Variants in GSE1 observed in about 807,000 individuals in gnomAD.
GSE1 encodes the protein Gse1 coiled-coil protein, also known as genetic suppressor element 1.
In GSE1, 32 loss-of-function variants were observed where a neutral mutation model predicts 112.6. The ratio of observed to expected loss-of-function variants is 0.28; its 90% CI spans 0.21 to 0.38. The LOEUF (loss-of-function observed/expected upper bound fraction) is 0.38. Among genes scored for constraint, GSE1 ranks in the 10% least tolerant of loss-of-function variants. GSE1 has a pLI of 1.00. For synonymous variants in GSE1, 1,115 were observed against 735.6 expected (o/e 1.52, Z -8.35); for missense variants, 2,348 against 1,699.2 (o/e 1.38, Z -6.71).
At position 85,173,263 on chromosome 16, in the gene GSE1, G is replaced by C. The variant is rs368176193; in HGVS notation, c.2283+1456G>C. ...AGTCAACCAAGACTCAGATAAGTCA[G>C]ACAACACTCAGTCAGTAGGTATCTG... is the stretch of plus-strand genomic sequence containing the variant. On this transcript the variant is annotated intron_variant, in intron 1 of 2. Coordinates refer to the GSE1 transcript ENST00000637419. Among the ~76,000 whole-genome samples the C allele has an allele frequency of 2.1e-3, 321 of 152,346 alleles. 1 individual carries two copies. The highest frequency in any genetic ancestry group is 7.3e-3 in the African/African-American group (304 of 41,570).
intron 2 of GSE1, among the ~76,000 whole-genome samples, chr16:85,465,939 G>A (rs1428108668): frequency 6.6e-6 from 1 of 152,232 alleles, no homozygotes; most frequent in Admixed American, 6.5e-5. Context: ...CTAATGATTA[G>A]TGGAGTCACA....
At chr16:85,448,033 C>T (rs1030185570) in intron 2 of GSE1, among the ~76,000 whole-genome samples, 2 of 152,188 alleles carry the variant, frequency 1.3e-5, no homozygotes, top group African/African-American at 4.8e-5. Flanking sequence ...GGGAAGGAAG[C>T]GTAGGGCACC....
intron 2 of GSE1, among the ~76,000 whole-genome samples, chr16:85,535,452 A>C (rs1336693601): frequency 1.3e-5 from 2 of 152,166 alleles, no homozygotes; most frequent in East Asian, 3.9e-4. Flanking sequence ...GATTTTACAG[A>C]CACCCTCAGC....
chr16:85,209,363 C>T (rs910405167), intron 1 of GSE1, among the ~76,000 whole-genome samples: 2 of 152,166 alleles, frequency 1.3e-5, no homozygotes, highest in Admixed American at 1.3e-4. Context: ...ATGTGCACCT[C>T]CTGGCTGTCA....
chr16:85,539,562 G>T (rs560213718), intron 2 of GSE1, among the ~76,000 whole-genome samples: 1 of 152,256 alleles, frequency 6.6e-6, no homozygotes, highest in African/African-American at 2.4e-5. Context: ...TGCTTGTTTT[G>T]GCCTAAAGGA....
intron 2 of GSE1, among the ~76,000 whole-genome samples, chr16:85,477,383 C>G (rs1232749050): frequency 2.6e-5 from 4 of 152,074 alleles, no homozygotes; most frequent in Non-Finnish European, 5.9e-5. Flanking sequence ...CCCTAGGAAC[C>G]CTTCCTGTGT....
chr16:85,403,386 G>C (rs549733508), intron 2 of GSE1, among the ~76,000 whole-genome samples: 1 of 152,300 alleles, frequency 6.6e-6, no homozygotes, highest in South Asian at 2.1e-4. Context: ...CGTGGTCATT[G>C]GGGGCTCGTC....
At chr16:85,512,254 A>G (rs1362976011) in intron 2 of GSE1, among the ~76,000 whole-genome samples, 2 of 152,116 alleles carry the variant, frequency 1.3e-5, no homozygotes, top group African/African-American at 4.8e-5. Flanking sequence ...GGCAGTATTC[A>G]CCGCAGCTGT....
In GSE1 at chr16:85,502,951, C is replaced by T. The variant is rs909281227; in HGVS notation, c.2465-130963C>T. On this transcript the variant is annotated intron_variant, in intron 2 of 2. Transcript: ENST00000637419. Reference sequence around the variant, plus strand: ...GAATGCGTGGCGGGAGGAGGATTATCGGAGGAGACAGACAAGGTCCAGGGC... The same window carrying T: ...GAATGCGTGGCGGGAGGAGGATTATTGGAGGAGACAGACAAGGTCCAGGGC... 4.6e-5 allele frequency among the ~76,000 whole-genome samples: 7 copies of T among 152,024 alleles called. No homozygotes were observed. The East Asian group carries it at 7.7e-4, about 17-fold the overall frequency.
intron 2 of GSE1, among the ~76,000 whole-genome samples, chr16:85,404,122 A>T (rs1201991273): frequency 1.2e-4 from 14 of 116,402 alleles, no homozygotes; most frequent in South Asian, 3.0e-4. Flanking sequence ...TCACTGTTAC[A>T]CTCAGGGCCC....
chr16:85,215,068 C>A (rs576716767), intron 1 of GSE1, among the ~76,000 whole-genome samples: 1 of 152,254 alleles, frequency 6.6e-6, no homozygotes, highest in Admixed American at 6.5e-5. Flanking sequence ...AGTAGGCCAC[C>A]GTTAACACTG....
intron 1 of GSE1, chr16:85,283,418 T>C (rs969380649): frequency 6.5e-6 from 1 of 152,740 alleles, no homozygotes; most frequent in Non-Finnish European, 1.5e-5. Context: ...ATCCCCTTTT[T>C]GGACTTTGGG....
intron 1 of GSE1, among the ~76,000 whole-genome samples, chr16:85,308,303 G>A (rs961964225): frequency 6.6e-6 from 1 of 151,986 alleles, no homozygotes; most frequent in African/African-American, 2.4e-5. Context: ...TGGACACCGA[G>A]TCCAGCCTCC....
At chr16:85,389,806 G>T (rs2047796024) in intron 2 of GSE1, among the ~76,000 whole-genome samples, 1 of 152,202 alleles carries the variant, frequency 6.6e-6, no homozygotes, top group Non-Finnish European at 1.5e-5. Flanking sequence ...GCAGGTGCTA[G>T]TATTGCCCCC....
chr16:85,173,506 A>G (rs1436825671), intron 1 of GSE1, among the ~76,000 whole-genome samples: 1 of 152,162 alleles, frequency 6.6e-6, no homozygotes, highest in Non-Finnish European at 1.5e-5. Flanking sequence ...ACCCTGGTGC[A>G]TAGGAGCAAA....
chr16:85,464,290 C>T (rs1437991207), intron 2 of GSE1, among the ~76,000 whole-genome samples: 2 of 152,080 alleles, frequency 1.3e-5, no homozygotes, highest in African/African-American at 4.8e-5. Flanking sequence ...AAACAAATCC[C>T]TGTCCATCAG....
intron 2 of GSE1, among the ~76,000 whole-genome samples, chr16:85,469,150 G>A (rs530999434): frequency 1.6e-3 from 243 of 152,294 alleles, no homozygotes; most frequent in Non-Finnish European, 2.8e-3. Flanking sequence ...CAGCCACTCG[G>A]GAGGCTGAGG....
At chr16:85,370,812 C>T (rs756280501) in intron 2 of GSE1, among the ~76,000 whole-genome samples, 1 of 152,228 alleles carries the variant, frequency 6.6e-6, no homozygotes, top group Non-Finnish European at 1.5e-5. Flanking sequence ...CTCTGTGTGA[C>T]CACCTTTGGG....
intron 2 of GSE1, among the ~76,000 whole-genome samples, chr16:85,493,071 G>A (rs988453149): frequency 2.6e-4 from 39 of 152,204 alleles, no homozygotes; most frequent in African/African-American, 9.4e-4. Flanking sequence ...AGGCTGGTGG[G>A]GGGATGTTGG....
Sources: allele counts gnomAD v4.1 joint callset (sites outside exome capture counted in the v4.1 genomes callset), GRCh38; gene constraint gnomAD v4.1.1; transcripts MANE v1.5; gene names NCBI Gene and HGNC (gene_info 2026-07-23, HGNC 2026-07-21).